The following ZNF248 variants were observed in gnomAD, a reference collection of about 807,000 sequenced individuals.
ZNF248 encodes the protein zinc finger protein 248, also known as KRAB protein domain.
Under a neutral mutation model 44.3 loss-of-function variants are expected in ZNF248, and 20 were observed. The observed-to-expected ratio is 0.45, with a 90% CI of 0.32 to 0.66. ZNF248 has a LOEUF of 0.66. Among genes scored for constraint, ZNF248 ranks in the 30% least tolerant of loss-of-function variants. The pLI, the probability that ZNF248 is intolerant of heterozygous loss-of-function variation, is 0.04. For synonymous variants in ZNF248, 224 were observed against 229.0 expected (o/e 0.98, Z 0.20); for missense variants, 654 against 677.0 (o/e 0.97, Z 0.38).
chr10:37,791,230 G>A (rs1269510182), intron 6 of ZNF248, among the ~76,000 whole-genome samples: 2 of 151,372 alleles, frequency 1.3e-5, no homozygotes, highest in East Asian at 1.9e-4. Flanking sequence ...TTTTAGTAGA[G>A]ACGGGGTTTC....
In ZNF248 at chr10:37,777,385, C is replaced by T. The variant is rs181249444; in HGVS notation, c.331-810G>A. Reference sequence around the variant, plus strand: ...ATAATTCTTTCAGGACTTGCATAAACACCCGTAGCTTCCTTTCTGATTTCC... The same window carrying T: ...ATAATTCTTTCAGGACTTGCATAAATACCCGTAGCTTCCTTTCTGATTTCC... On this transcript the variant is annotated intron_variant, in intron 6 of 6. Transcript: ENST00000615949. Among the ~76,000 whole-genome samples the T allele has an allele frequency of 2.6e-5, 4 of 152,316 alleles. No individual in the cohort carries two copies. The East Asian group carries it at 7.7e-4, about 29-fold the overall frequency.
At chr10:37,811,073 T>C (rs909003531) in intron 6 of ZNF248, among the ~76,000 whole-genome samples, 4 of 152,190 alleles carry the variant, frequency 2.6e-5, no homozygotes, top group Non-Finnish European at 5.9e-5. Flanking sequence ...ATTGGACCCA[T>C]ATGAAGTACC....
intron 6 of ZNF248, among the ~76,000 whole-genome samples, chr10:37,781,580 G>A (rs1157038524): frequency 1.3e-5 from 2 of 152,190 alleles, no homozygotes; most frequent in African/African-American, 4.8e-5. Context: ...CAGTTAATCT[G>A]TTAACCCAGT....
At chr10:37,823,333 C>CA (rs60957023) in intron 6 of ZNF248, among the ~76,000 whole-genome samples, 205 of 17,538 alleles carry the variant, frequency 0.012, 40 homozygotes, top group African/African-American at 0.014. Flanking sequence ...ACTCCGTCTC[C>CA]AAAAAAAAAA....
chr10:37,781,478 G>A (rs765314521), intron 6 of ZNF248, among the ~76,000 whole-genome samples: 1 of 152,172 alleles, frequency 6.6e-6, no homozygotes, highest in African/African-American at 2.4e-5. Flanking sequence ...TCTGCCCATT[G>A]GTTGGAGTTT....
In ZNF248 at chr10:37,829,826, A is replaced by G; in HGVS notation, c.*1789T>C. 1.0e-6 allele frequency: 1 copy of G among 985,430 alleles called. No homozygotes were observed. Among genetic ancestry groups the G allele is most frequent in the East Asian group, 1.1e-4 (1 of 8,812 alleles). 61.0% of individuals were successfully genotyped at this position (985,430 alleles called of 1,614,324 possible). On this transcript the variant is annotated 3_prime_UTR_variant, in exon 6 of 6. Coordinates refer to ENST00000395867, the MANE Select transcript of ZNF248 (RefSeq NM_021045.3). ...CTACACAATACTTCCCAAACATCTC[A>G]TTGCTCCCAAGTTCACCCCAACAGA...
At chr10:37,815,270 G>A (rs1472549770) in intron 6 of ZNF248, among the ~76,000 whole-genome samples, 1 of 151,118 alleles carries the variant, frequency 6.6e-6, no homozygotes, top group Admixed American at 6.6e-5. Flanking sequence ...TCACCATGTT[G>A]GCCAGGCTAG....
intron 6 of ZNF248, among the ~76,000 whole-genome samples, chr10:37,797,769 C>A (rs1434717041): frequency 6.6e-6 from 1 of 152,018 alleles, no homozygotes; most frequent in Non-Finnish European, 1.5e-5. Flanking sequence ...CCTTTCACAC[C>A]CACTAGAAAA....
chr10:37,849,387 A>T (rs889199850), intron 3 of ZNF248, among the ~76,000 whole-genome samples: 13 of 152,310 alleles, frequency 8.5e-5, no homozygotes, highest in Middle Eastern at 6.8e-3. Flanking sequence ...TTTTTTAAAT[A>T]TTTCAAAGAA....
chr10:37,814,016 AG>A (rs1339370225), intron 6 of ZNF248, among the ~76,000 whole-genome samples: 2 of 152,214 alleles, frequency 1.3e-5, no homozygotes, highest in African/African-American at 2.4e-5. Context: ...TTACATTTAA[AG>A]TAATAACCAA....
At chr10:37,764,651 T>C in the ZNF248 span, among the ~76,000 whole-genome samples, 1 of 152,206 alleles carries the variant, frequency 6.6e-6, no homozygotes, top group Non-Finnish European at 1.5e-5. Flanking sequence ...TCTTTCCCTT[T>C]ATTTCTCAGA....
At chr10:37,784,765 G>A (rs1482664845) in intron 6 of ZNF248, among the ~76,000 whole-genome samples, 1 of 152,104 alleles carries the variant, frequency 6.6e-6, no homozygotes, top group Non-Finnish European at 1.5e-5. Flanking sequence ...TACATGGATG[G>A]CACATCAATG....
Position 37,832,721 on chromosome 10 carries a change from G to A in ZNF248, c.634C>T (p.Gln212Ter), listed in dbSNP as rs1423411175. The change falls in exon 6 of 6, where the codon CAA becomes TAA. Residue 212 changes from glutamine (Q) to a stop codon, truncating the protein, a stop_gained. Transcript: ENST00000395867. LOFTEE classifies it high-confidence loss of function. ...CCATTTTTACTATACTCAAAAGATT[G>A]GCCAAAACTTGGCTGACTGAGATCC... The part of the protein sequence containing the change: ...HQDLSQPSFG[Q>*]SFEYSKNGQG... 1 of 1,613,330 alleles carries A rather than the reference G, an allele frequency of 6.2e-7. No homozygotes were observed. The highest frequency in any genetic ancestry group is 8.5e-7 in the Non-Finnish European group (1 of 1,179,848).
intron 6 of ZNF248, among the ~76,000 whole-genome samples, chr10:37,792,189 GGTCAGCCTGCAGTTGAGCCT>G (rs1263272257): frequency 6.6e-6 from 1 of 152,150 alleles, no homozygotes; most frequent in Admixed American, 6.5e-5. Flanking sequence ...CCAAGACACA[GGTCAGCCTGCAGTTGAGCCT>G]GTCCTATGTG....
intron 6 of ZNF248, chr10:37,820,052 C>T: frequency 2.5e-6 from 2 of 815,290 alleles, no homozygotes; most frequent in Non-Finnish European, 2.2e-6. Context: ...CATTGTCACA[C>T]ATCTATTTAA....
At chr10:37,841,064 T>C (rs1484537565) in intron 3 of ZNF248, among the ~76,000 whole-genome samples, 1 of 152,186 alleles carries the variant, frequency 6.6e-6, no homozygotes, top group African/African-American at 2.4e-5. Context: ...TCTTCTCAGC[T>C]TCTCTGTTTT....
chr10:37,788,262 T>TAAAA (rs59927437), intron 6 of ZNF248, among the ~76,000 whole-genome samples: 9 of 110,326 alleles, frequency 8.2e-5, no homozygotes, highest in South Asian at 3.0e-4. Context: ...GACTCCATCT[T>TAAAA]AAAAAAAAAA....
chr10:37,856,744 G>C (rs1756725606), intron 1 of ZNF248: 3 of 986,276 alleles, frequency 3.0e-6, no homozygotes, highest in Admixed American at 6.1e-5. Flanking sequence ...GATGTTAAAT[G>C]CAAGTTTAAA....
intron 6 of ZNF248, among the ~76,000 whole-genome samples, chr10:37,778,634 G>T (rs2046899664): frequency 6.6e-6 from 1 of 152,094 alleles, no homozygotes; most frequent in East Asian, 1.9e-4. Flanking sequence ...TAAAGCCTAG[G>T]TTTTCTTCTA....
Sources: gnomAD v4.1 joint callset for allele counts (sites outside exome capture counted in the v4.1 genomes callset) on GRCh38, gnomAD v4.1.1 for gene constraint, MANE v1.5 for transcripts, NCBI Gene and HGNC (gene_info 2026-07-23, HGNC 2026-07-21) for gene names.